Variants in CENPC observed in about 807,000 individuals in gnomAD.
CENPC encodes centromere protein C.
A neutral mutation model predicts 112.1 loss-of-function variants in CENPC; 63 were observed. The observed-to-expected ratio is 0.56, with a 90% confidence interval of 0.46 to 0.69. The LOEUF (loss-of-function observed/expected upper bound fraction) is 0.69. Among genes scored for constraint, CENPC ranks in the 30% least tolerant of loss-of-function variants. The probability of loss-of-function intolerance (pLI) is 0.00; values close to 1 mark genes in which losing one functional copy is unlikely to be tolerated. For missense variants in CENPC, 1,000 were observed against 1,103.8 expected (o/e 0.91, Z 1.33); for synonymous variants, 333 against 367.6 (o/e 0.91, Z 1.08).
intron 12 of CENPC, among the ~76,000 whole-genome samples, chr4:67,499,926 A>G (rs1725545949): frequency 6.6e-6 from 1 of 152,188 alleles, no homozygotes; most frequent in South Asian, 2.1e-4. Context: ...GTCTCAGGAA[A>G]TAGGGAAGCC....
rs1303931976 is a variant in CENPC at position 67,470,019 on chromosome 4, T to C, written c.*2586A>G. The C allele has an allele frequency of 6.6e-6, 1 of 152,190 alleles. No individual in the cohort carries two copies. Among genetic ancestry groups the C allele is most frequent in the Admixed American group, 6.5e-5 (1 of 15,284 alleles). The allele number at this position is 152,190 out of a possible 1,614,324, so 9.4% of individuals were successfully genotyped here. A position where few individuals can be genotyped will look rare whatever the true frequency, so the allele number is the denominator to read the frequency against. On this transcript the variant is annotated 3_prime_UTR_variant, in exon 19 of 19. Transcript: ENST00000273853. ...TACTAAGCACTTGAAATGTGGCAAATGCAAGTAAGAAACAATATTTTAAAT... is the reference window on the plus strand; with the variant it reads ...TACTAAGCACTTGAAATGTGGCAAACGCAAGTAAGAAACAATATTTTAAAT...
intron 9 of CENPC, chr4:67,510,556 C>T (rs1725865838): frequency 6.5e-6 from 1 of 153,818 alleles, no homozygotes; most frequent in Admixed American, 6.5e-5. Context: ...CAAGAAGGTA[C>T]TCATTTTCAG....
Position 67,508,939 on chromosome 4 carries a change from C to A in CENPC, c.1779G>T (p.Lys593Asn). Residue 593 changes from lysine (K) to asparagine (N), a missense_variant, in exon 10 of 19, where the codon AAG becomes AAT. Lys to Asn is a moderately conservative substitution (Grantham distance 94). Transcript: ENST00000273853. ...CTCCAGAACCTTCAGCATTTAAAAA[C>A]TTCTGTACTCTTTGGTTGCCTTTAG... ...TATKGNQRVQ[K>N]FLNAEGSGGI... is the part of the protein sequence containing the mutation. 6.2e-7 allele frequency: 1 copy of A among 1,613,594 alleles called. No individual in the cohort carries two copies. The highest frequency in any genetic ancestry group is 8.5e-7 in the Non-Finnish European group (1 of 1,179,712).
chr4:67,532,092 G>C (rs909659279), intron 4 of CENPC, among the ~76,000 whole-genome samples: 1 of 152,182 alleles, frequency 6.6e-6, no homozygotes, highest in Non-Finnish European at 1.5e-5. Flanking sequence ...CAAAGGATAT[G>C]AACAGACACT....
chr4:67,510,664 C>T (rs1725868369), intron 9 of CENPC: 3 of 219,300 alleles, frequency 1.4e-5, no homozygotes, highest in Non-Finnish European at 2.8e-5. Context: ...AGTCCTGGTC[C>T]TACTTTACCT....
chr4:67,511,327 T>G (rs1486724387), intron 9 of CENPC, among the ~76,000 whole-genome samples: 1 of 152,182 alleles, frequency 6.6e-6, no homozygotes, highest in African/African-American at 2.4e-5. Context: ...AATGCCATAG[T>G]TGTACTAATC....
intron 12 of CENPC, among the ~76,000 whole-genome samples, chr4:67,502,762 T>C (rs374476021): frequency 6.6e-6 from 1 of 152,172 alleles, no homozygotes; most frequent in African/African-American, 2.4e-5. Flanking sequence ...GATCAGGTAG[T>C]AATATTGCCA....
At chr4:67,512,011 C>G in intron 9 of CENPC, 1 of 156,630 alleles carries the variant, frequency 6.4e-6, no homozygotes, top group Non-Finnish European at 1.4e-5. Context: ...AAGTAATTTA[C>G]TTTTTTATGT....
intron 4 of CENPC, among the ~76,000 whole-genome samples, chr4:67,539,511 TTA>T (rs1220276163): frequency 6.6e-6 from 1 of 152,150 alleles, no homozygotes; most frequent in Non-Finnish European, 1.5e-5. Flanking sequence ...GTGCCTTCAT[TTA>T]TTAGAATATA....
At position 67,518,586 on chromosome 4, in the gene CENPC, G is replaced by C. The variant is rs114505242; in HGVS notation, c.618-218C>G. Among the ~76,000 whole-genome samples, 548 of 152,234 alleles carry C rather than the reference G, an allele frequency of 3.6e-3. 1 individual carries two copies. Among genetic ancestry groups the C allele is most frequent in the Middle Eastern group, 0.024 (7 of 294 alleles). On this transcript the variant is annotated intron_variant, in intron 6 of 18. Coordinates refer to ENST00000273853, the MANE Select transcript of CENPC (RefSeq NM_001812.4). ...TTTATCAATAGAAAAACATGAAAGA[G>C]AAAATAATGGCTAAAGTATACATCA...
At chr4:67,475,228 C>G (rs1463883357) in intron 17 of CENPC, among the ~76,000 whole-genome samples, 3 of 152,140 alleles carry the variant, frequency 2.0e-5, no homozygotes, top group African/African-American at 7.2e-5. Flanking sequence ...CTGCTGGAAG[C>G]AGAGAAGAAA....
chr4:67,518,147 A>G lies in CENPC; in HGVS notation c.830+9T>C, dbSNP rs1374707021. 4.1e-6 allele frequency: 6 copies of G among 1,470,910 alleles called. No individual in the cohort carries two copies. The African/African-American group carries it at 5.6e-5, about 14-fold the overall frequency. 91.1% of individuals were successfully genotyped at this position (1,470,910 alleles called of 1,614,324 possible). ...AAATGTCTCAAAGGGCAGTTTCTTA[A>G]TAACTCACCTGGATTCACTTTTTCG... On this transcript the variant is annotated intron_variant, in intron 7 of 18. Transcript: ENST00000273853.
At chr4:67,494,214 C>T (rs1308892134) in intron 13 of CENPC, among the ~76,000 whole-genome samples, 1 of 152,118 alleles carries the variant, frequency 6.6e-6, no homozygotes, top group Non-Finnish European at 1.5e-5. Flanking sequence ...TAATACTCAG[C>T]GTTGACAATG....
At chr4:67,537,065 A>G (rs1726741799) in intron 4 of CENPC, among the ~76,000 whole-genome samples, 1 of 151,610 alleles carries the variant, frequency 6.6e-6, no homozygotes, top group Non-Finnish European at 1.5e-5. Context: ...TAAATAACCA[A>G]TGTCAGGAAT....
intron 5 of CENPC, among the ~76,000 whole-genome samples, chr4:67,520,349 G>GT (rs1726187932): frequency 6.6e-6 from 1 of 152,182 alleles, no homozygotes; most frequent in Non-Finnish European, 1.5e-5. Context: ...CTGTAGAGTA[G>GT]TGAAACCCCT....
chr4:67,510,895 T>C (rs1725875754), intron 9 of CENPC: 1 of 426,724 alleles, frequency 2.3e-6, no homozygotes, highest in Non-Finnish European at 4.7e-6. Flanking sequence ...CAACATCTAT[T>C]TCAGGACTCT....
intron 17 of CENPC, among the ~76,000 whole-genome samples, chr4:67,483,300 G>A (rs1378271219): frequency 6.6e-6 from 1 of 152,030 alleles, no homozygotes; most frequent in Non-Finnish European, 1.5e-5. Flanking sequence ...AGAGGCTGCA[G>A]TGGGCTGATA....
intron 2 of CENPC, among the ~76,000 whole-genome samples, chr4:67,542,254 G>A (rs1488423638): frequency 6.6e-6 from 1 of 152,148 alleles, no homozygotes; most frequent in Admixed American, 6.5e-5. Flanking sequence ...AGCAACCACA[G>A]ACAGTATGTA....
chr4:67,509,246 ACACACACAC>A, intron 9 of CENPC, 141 bp from the exon 10 acceptor site: 1 of 501,566 alleles, frequency 2.0e-6, no homozygotes. Context: ...ACACACACAC[ACACACACAC>A]ATCTCAGGCT....
Sources: gnomAD v4.1 joint callset for allele counts (sites outside exome capture counted in the v4.1 genomes callset) on GRCh38, gnomAD v4.1.1 for gene constraint, MANE v1.5 for transcripts, NCBI Gene and HGNC (gene_info 2026-07-23, HGNC 2026-07-21) for gene names.